Variants in TSGA10 observed in about 807,000 individuals in gnomAD.
TSGA10 encodes the protein testis-specific gene 10 protein.
In TSGA10, 43 loss-of-function variants were observed where a neutral mutation model predicts 96.6. The observed-to-expected ratio is 0.44, with a 90% CI of 0.35 to 0.57. The LOEUF (loss-of-function observed/expected upper bound fraction) is 0.57. Ranked by LOEUF, TSGA10 falls within the 20% of genes least tolerant of loss-of-function variation. TSGA10 has a pLI of 0.01. For synonymous variants in TSGA10, 229 were observed against 269.9 expected (o/e 0.85, Z 1.48); for missense variants, 703 against 834.4 (o/e 0.84, Z 1.94).
At chr2:99,148,163 A>G (rs1402921863) in intron 1 of TSGA10, 1 of 152,220 alleles carries the variant, frequency 6.6e-6, no homozygotes, top group East Asian at 1.9e-4. Flanking sequence ...TGTTTCATAG[A>G]AGATACTTCT....
At chr2:99,016,420 T>C (rs2079518906) in intron 20 of TSGA10, among the ~76,000 whole-genome samples, 1 of 152,146 alleles carries the variant, frequency 6.6e-6, no homozygotes, top group Non-Finnish European at 1.5e-5. Context: ...CAACAAATGG[T>C]GCTGGGATAA....
At chr2:99,134,022 T>C (rs1419220399) in intron 1 of TSGA10, among the ~76,000 whole-genome samples, 1 of 152,184 alleles carries the variant, frequency 6.6e-6, no homozygotes, top group Non-Finnish European at 1.5e-5. Flanking sequence ...TAACATTTTC[T>C]CTTTCATTTC....
chr2:99,015,895 G>A (rs1174723964), intron 20 of TSGA10, among the ~76,000 whole-genome samples: 2 of 151,830 alleles, frequency 1.3e-5, no homozygotes, highest in Non-Finnish European at 2.9e-5. Flanking sequence ...CTTTTACAAT[G>A]GCAGCAAAAA....
chr2:99,102,398 G>A (rs765446517), intron 10 of TSGA10: 2 of 1,613,760 alleles, frequency 1.2e-6, no homozygotes, highest in Non-Finnish European at 1.7e-6. Context: ...GAATTAGGGT[G>A]TCATTTACAG....
At chr2:99,151,023 G>A in intron 1 of TSGA10, 1 of 451,550 alleles carries the variant, frequency 2.2e-6, no homozygotes, top group Non-Finnish European at 4.0e-6. Flanking sequence ...GTTGCTTTAG[G>A]GTGAAAAAGC....
At chr2:99,102,380 T>C in intron 10 of TSGA10, 1 of 1,613,640 alleles carries the variant, frequency 6.2e-7, no homozygotes, top group Non-Finnish European at 8.5e-7. Context: ...AGCAGTTTAC[T>C]GGAGTTGGAA....
chr2:99,000,631 C>G (rs1444855888), intron 20 of TSGA10, among the ~76,000 whole-genome samples: 1 of 152,074 alleles, frequency 6.6e-6, no homozygotes. Flanking sequence ...AGTGAGGTAC[C>G]AGGTTCATCT....
At chr2:99,112,240 G>A (rs376121695) in intron 4 of TSGA10, among the ~76,000 whole-genome samples, 1 of 152,082 alleles carries the variant, frequency 6.6e-6, no homozygotes, top group African/African-American at 2.4e-5. Context: ...AAAAATCTCT[G>A]CCCTCATGTA....
At chr2:99,050,221 T>A (rs1272890583) in intron 16 of TSGA10, among the ~76,000 whole-genome samples, 1 of 152,088 alleles carries the variant, frequency 6.6e-6, no homozygotes, top group East Asian at 1.9e-4. Flanking sequence ...ATTTTTCCTC[T>A]CAGGTTTTTA....
chr2:99,125,635 T>G (rs1025353286), intron 2 of TSGA10: 1 of 152,226 alleles, frequency 6.6e-6, no homozygotes, highest in African/African-American at 2.4e-5. Context: ...CTGGATCTTA[T>G]GTTTTAGCAG....
intron 10 of TSGA10, among the ~76,000 whole-genome samples, chr2:99,094,889 C>T (rs907651875): frequency 6.6e-6 from 1 of 152,136 alleles, no homozygotes; most frequent in African/African-American, 2.4e-5. Context: ...TCCAGCAATC[C>T]AACTACTGAG....
chr2:99,067,893 C>T (rs2085452878), intron 15 of TSGA10, among the ~76,000 whole-genome samples: 1 of 151,884 alleles, frequency 6.6e-6, no homozygotes, highest in Non-Finnish European at 1.5e-5. Flanking sequence ...TATTTCTGAC[C>T]TATTCTAGAA....
chr2:99,146,621 T>C (rs546190802), intron 1 of TSGA10, among the ~76,000 whole-genome samples: 55 of 152,264 alleles, frequency 3.6e-4, no homozygotes, highest in Middle Eastern at 6.8e-3. Context: ...CTTTAATGCA[T>C]TTGCACTCCA....
intron 15 of TSGA10, among the ~76,000 whole-genome samples, chr2:99,068,476 G>A (rs1574022332): frequency 6.6e-6 from 1 of 152,240 alleles, no homozygotes; most frequent in East Asian, 1.9e-4. Context: ...AGTGTGAGGA[G>A]AACCATCTGC....
chr2:99,047,335 G>A (rs6419567), intron 16 of TSGA10, among the ~76,000 whole-genome samples: 55,010 of 152,040 alleles, frequency 0.36, 11,203 homozygotes, highest in African/African-American at 0.55. Flanking sequence ...ATAAAATACT[G>A]GCAAACCGAA....
chr2:99,031,963 C>T (rs2081178352), intron 17 of TSGA10, among the ~76,000 whole-genome samples: 3 of 152,220 alleles, frequency 2.0e-5, no homozygotes, highest in African/African-American at 4.8e-5. Flanking sequence ...AGAGGTTTGA[C>T]TGCACAGAGA....
chr2:99,024,384 G>A (rs1182684706), intron 17 of TSGA10, among the ~76,000 whole-genome samples: 2 of 152,060 alleles, frequency 1.3e-5, no homozygotes, highest in Non-Finnish European at 2.9e-5. Context: ...CACCGCGTCT[G>A]GCCGTATTTG....
At chr2:99,072,199 C>T (rs979231792) in intron 13 of TSGA10, among the ~76,000 whole-genome samples, 3 of 152,270 alleles carry the variant, frequency 2.0e-5, no homozygotes, top group Middle Eastern at 3.4e-3. Flanking sequence ...TCTTCCTCTG[C>T]CCACTTAAAA....
At position 99,118,553 on chromosome 2, in the gene TSGA10, G is replaced by A; in HGVS notation, c.-358C>T. ...TTTTGAAAGTATCAGTAACTTACTT[G>A]ACTAAGCTAAATATCAAATCAATCA... On this transcript the variant is annotated splice_region_variant and 5_prime_UTR_variant, in exon 3 of 21. Coordinates refer to ENST00000393483, the MANE Select transcript of TSGA10 (RefSeq NM_025244.4). 5 of 981,084 alleles carry A rather than the reference G, an allele frequency of 5.1e-6. No homozygotes were observed. Among genetic ancestry groups the A allele is most frequent in the Non-Finnish European group, 6.0e-6 (5 of 827,422 alleles). The allele number at this position is 981,084 out of a possible 1,614,324, so 60.8% of individuals were successfully genotyped here.
Sources: gnomAD v4.1 joint callset for allele counts (sites outside exome capture counted in the v4.1 genomes callset) on GRCh38, gnomAD v4.1.1 for gene constraint, MANE v1.5 for transcripts, NCBI Gene and HGNC (gene_info 2026-07-23, HGNC 2026-07-21) for gene names.